PCDHA6: variants seen among roughly 807,000 people sequenced by gnomAD.
PCDHA6 encodes protocadherin alpha-6.
PCDHA6 carries 55 observed loss-of-function variants against 60.3 expected under a neutral mutation model. The observed-to-expected ratio is 0.91, with a 90% CI of 0.73 to 1.14. The LOEUF (loss-of-function observed/expected upper bound fraction) is 1.14, where lower values mean the gene tolerates loss of function less well. Ranked by LOEUF, PCDHA6 falls within the 50% of genes most tolerant of loss-of-function variation. The pLI is 0.00. For synonymous variants in PCDHA6, 652 were observed against 557.9 expected (o/e 1.17, Z -2.38); for missense variants, 1,327 against 1,256.5 (o/e 1.06, Z -0.85).
rs35184029 is a variant in PCDHA6 at position 140,997,668 on chromosome 5, T to TTGTG, written c.2543-11933_2543-11930dup. 2.7e-3 allele frequency among the ~76,000 whole-genome samples: 396 copies of TTGTG among 148,340 alleles called. 1 individual carries two copies. Among genetic ancestry groups the TTGTG allele is most frequent in the African/African-American group, 5.1e-3 (207 of 40,232 alleles). On this transcript the variant is annotated intron_variant, in intron 3 of 3. Transcript: ENST00000529310. ...AATGCAATATGTATTATTATACAGC[T>TTGTG]TGTGTGTGTGTGTGTGTGTGTGTGT...
chr5:140,927,290 T>A (rs1563090312), intron 1 of PCDHA6: 2 of 1,614,054 alleles, frequency 1.2e-6, no homozygotes, highest in Admixed American at 1.7e-5. Context: ...CAGCTGCACA[T>A]CCCCGAGTTC....
At chr5:140,835,828 C>T (rs2150246076) in intron 1 of PCDHA6, 2 of 1,612,490 alleles carry the variant, frequency 1.2e-6, no homozygotes, top group South Asian at 1.1e-5. Context: ...GCGGGGGACG[C>T]GGACGCGCAG....
At chr5:140,882,267 C>A in intron 1 of PCDHA6, 1 of 1,610,288 alleles carries the variant, frequency 6.2e-7, no homozygotes, top group Non-Finnish European at 8.5e-7. Context: ...TTGGAGTGTA[C>A]CATGCTGTCT....
At chr5:140,850,321 A>G (rs2150479492) in intron 1 of PCDHA6, 1 of 1,597,400 alleles carries the variant, frequency 6.3e-7, no homozygotes, top group Admixed American at 1.7e-5. Context: ...TGGCTTTCAT[A>G]CGAGCTGCAG....
intron 1 of PCDHA6, chr5:140,967,690 C>G (rs782694266): frequency 6.2e-7 from 1 of 1,614,190 alleles, no homozygotes; most frequent in Non-Finnish European, 8.5e-7. Flanking sequence ...GGCAGCTCTT[C>G]AGCATAGATG....
Position 140,828,913 on chromosome 5 carries a change from T to A in PCDHA6, c.822T>A (p.Asn274Lys). 6.2e-7 allele frequency: 1 copy of A among 1,614,238 alleles called. No individual in the cohort carries two copies. The highest frequency in any genetic ancestry group is 2.2e-5 in the East Asian group (1 of 44,890). The part of the protein sequence containing the change: ...LNASDRDEGA[N>K]GAISYSFNSL... ...CTTCTGATCGGGATGAAGGAGCGAA[T>A]GGGGCAATTTCATATTCTTTTAATA... is the stretch of plus-strand genomic sequence containing the variant. The change falls in exon 1 of 4, where the codon AAT becomes AAA. Residue 274 changes from asparagine to lysine, a missense_variant. Physicochemically the swap from Asn to Lys is moderately conservative, Grantham distance 94 (BLOSUM62 0). Transcript: ENST00000529310.
intron 1 of PCDHA6, among the ~76,000 whole-genome samples, chr5:140,935,606 T>C (rs531169810): frequency 6.6e-6 from 1 of 152,352 alleles, no homozygotes; most frequent in East Asian, 1.9e-4. Flanking sequence ...GAGCTAGGCT[T>C]TTTTCAAGTC....
intron 1 of PCDHA6, chr5:140,967,899 C>G: frequency 6.2e-7 from 1 of 1,614,180 alleles, no homozygotes; most frequent in African/African-American, 1.3e-5. Flanking sequence ...CCTGAGAATG[C>G]TACACCCAAC....
intron 1 of PCDHA6, among the ~76,000 whole-genome samples, chr5:140,971,036 G>A (rs919714179): frequency 2.0e-5 from 3 of 152,204 alleles, no homozygotes; most frequent in Non-Finnish European, 2.9e-5. Context: ...TTGAAAGCAC[G>A]TAAAAGGGTT....
chr5:140,933,166 T>C (rs1447932546), intron 1 of PCDHA6, among the ~76,000 whole-genome samples: 1 of 152,002 alleles, frequency 6.6e-6, no homozygotes, highest in African/African-American at 2.4e-5. Context: ...CCAATTTTAA[T>C]TGATGGCATA....
At chr5:140,890,917 G>C (rs1465334645) in intron 1 of PCDHA6, among the ~76,000 whole-genome samples, 3 of 152,116 alleles carry the variant, frequency 2.0e-5, no homozygotes, top group Non-Finnish European at 4.4e-5. Context: ...AATAATTTGA[G>C]AGTTTCCTTT....
At chr5:140,890,245 A>G (rs2062563165) in intron 1 of PCDHA6, among the ~76,000 whole-genome samples, 1 of 152,146 alleles carries the variant, frequency 6.6e-6, no homozygotes, top group Admixed American at 6.5e-5. Context: ...TTACCAGTAC[A>G]CTACTGCACC....
intron 1 of PCDHA6, among the ~76,000 whole-genome samples, chr5:140,932,481 C>T (rs945796094): frequency 6.6e-6 from 1 of 151,842 alleles, no homozygotes; most frequent in African/African-American, 2.4e-5. Flanking sequence ...AGGATATCTC[C>T]TCTTTGCAAT....
At chr5:140,895,851 C>T (rs2065201261) in intron 1 of PCDHA6, among the ~76,000 whole-genome samples, 1 of 152,078 alleles carries the variant, frequency 6.6e-6, no homozygotes, top group Admixed American at 6.6e-5. Flanking sequence ...CACTCTTGTA[C>T]CCCAGGCTGG....
rs57893927 is a variant in PCDHA6 at position 140,946,631 on chromosome 5, T to TATATAC, written c.2395-32317_2395-32316insTATACA. Among the ~76,000 whole-genome samples, 104 of 131,796 alleles carry TATATAC rather than the reference T, an allele frequency of 7.9e-4. 5 individuals are homozygous for TATATAC. Among genetic ancestry groups the TATATAC allele is most frequent in the Admixed American group, 1.7e-3 (23 of 13,490 alleles). The allele number at this position is 131,796 out of a possible 152,430, so 86.5% of individuals were successfully genotyped here. Reference sequence around the variant, plus strand: ...TGTGAAATATATATATATATATATATACAATGGAATACTCATCAGCCATTA... The same window carrying TATATAC: ...TGTGAAATATATATATATATATATATATATACACAATGGAATACTCATCAGCCATTA... On this transcript the variant is annotated intron_variant, in intron 1 of 3. Transcript: ENST00000529310.
At chr5:140,966,839 C>T (rs782091529) in intron 1 of PCDHA6, 14 of 1,567,058 alleles carry the variant, frequency 8.9e-6, no homozygotes, top group Non-Finnish European at 1.1e-5. Flanking sequence ...CTGGCTGCTG[C>T]TACTGCCTCT....
chr5:140,921,215 CT>C (rs2080099389), intron 1 of PCDHA6, among the ~76,000 whole-genome samples: 1 of 151,942 alleles, frequency 6.6e-6, no homozygotes, highest in Admixed American at 6.6e-5. Context: ...TAATTCACGT[CT>C]TTTTTGCTAG....
rs1451679036 is a variant in PCDHA6, at chr5:140,876,215, A to C, written c.2394+45730A>C. On this transcript the variant is annotated intron_variant, in intron 1 of 3. Coordinates refer to ENST00000529310, the MANE Select transcript of PCDHA6 (RefSeq NM_018909.4). ...CCGGCGTTTGATAAGCCCAGCTATA[A>C]AGTAGTGTTGTCTGAAAATGTCCAA... The C allele has an allele frequency of 1.2e-6, 2 of 1,613,890 alleles. No homozygotes were observed. The highest frequency in any genetic ancestry group is 1.7e-6 in the Non-Finnish European group (2 of 1,179,898).
intron 1 of PCDHA6, chr5:140,841,949 T>G (rs2150326373): frequency 6.2e-7 from 1 of 1,613,920 alleles, no homozygotes. Context: ...TGCGCACCAC[T>G]TATTCCTGAC....
Sources: gnomAD v4.1 joint callset for allele counts (sites outside exome capture counted in the v4.1 genomes callset) on GRCh38, gnomAD v4.1.1 for gene constraint, MANE v1.5 for transcripts, NCBI Gene and HGNC (gene_info 2026-07-23, HGNC 2026-07-21) for gene names.